The following PEPD variants were observed in gnomAD, a reference collection of about 807,000 sequenced individuals.
PEPD encodes peptidase D.
A neutral mutation model predicts 60.7 loss-of-function variants in PEPD; 53 were observed. The observed-to-expected ratio is 0.87, with a 90% CI of 0.70 to 1.10. The LOEUF (loss-of-function observed/expected upper bound fraction) is 1.10, where lower values mean the gene tolerates loss of function less well. PEPD is among the 50% of genes least tolerant of loss of function. The pLI, the probability that PEPD is intolerant of heterozygous loss-of-function variation, is 0.00. For missense variants in PEPD, 711 were observed against 711.9 expected, an observed-to-expected ratio of 1.00 and a Z score of 0.01; for synonymous variants, 267 against 284.1, an observed-to-expected ratio of 0.94 and a Z score of 0.60.
In PEPD at chr19:33,407,443, G is replaced by A. The variant is rs149776569; in HGVS notation, c.818+4229C>T. On this transcript the variant is annotated intron_variant, in intron 11 of 14. Coordinates refer to ENST00000244137, the MANE Select transcript of PEPD (RefSeq NM_000285.4). ...GGCAGCACATGGGGGCTCAGAAGAC[G>A]ACCAGGAGAAGCAGGGGGATGAGTC... is the stretch of plus-strand genomic sequence containing the variant. 8.1e-3 allele frequency among the ~76,000 whole-genome samples: 1,240 copies of A among 152,292 alleles called. 17 individuals carry two copies. Among genetic ancestry groups the A allele is most frequent in the African/African-American group, 0.027 (1,135 of 41,560 alleles).
chr19:33,443,924 A>G (rs963876120), intron 9 of PEPD, among the ~76,000 whole-genome samples: 1 of 150,436 alleles, frequency 6.6e-6, no homozygotes, highest in African/African-American at 2.5e-5. Context: ...AAGAGTGTGT[A>G]ATGGGTGTAC....
chr19:33,442,089 T>C (rs975728049), intron 9 of PEPD, among the ~76,000 whole-genome samples: 3 of 152,196 alleles, frequency 2.0e-5, no homozygotes, highest in African/African-American at 7.2e-5. Context: ...GTTCCTCACC[T>C]GTAAAAGGGG....
chr19:33,473,518 G>A (rs1406601669), intron 7 of PEPD, among the ~76,000 whole-genome samples: 2 of 151,448 alleles, frequency 1.3e-5, no homozygotes, highest in African/African-American at 2.4e-5. Context: ...CTCTAAAACC[G>A]GCAGATGACT....
rs549877787 is a variant in PEPD at position 33,519,452 on chromosome 19, G to A, written c.17+2292C>T. 5.3e-5 allele frequency among the ~76,000 whole-genome samples: 8 copies of A among 152,320 alleles called. No homozygotes were observed. In the South Asian group the frequency reaches 1.5e-3, roughly 28 times the overall value. On this transcript the variant is annotated intron_variant, in intron 1 of 14. Transcript: ENST00000244137. Reference sequence around the variant, plus strand: ...CAAACCCAACTCCCAGTGAGCCCACGGCAATGGCCGTGACTTGCTGGCATC... The same window carrying A: ...CAAACCCAACTCCCAGTGAGCCCACAGCAATGGCCGTGACTTGCTGGCATC...
At chr19:33,421,979 T>G (rs888145782) in intron 9 of PEPD, among the ~76,000 whole-genome samples, 1 of 151,898 alleles carries the variant, frequency 6.6e-6, no homozygotes, top group East Asian at 1.9e-4. Flanking sequence ...CCCTACAGAG[T>G]GTGCTCCACA....
chr19:33,425,983 T>G (rs1160454282), intron 9 of PEPD, among the ~76,000 whole-genome samples: 1 of 152,158 alleles, frequency 6.6e-6, no homozygotes, highest in Non-Finnish European at 1.5e-5. Context: ...CTAATTTATT[T>G]TATTTTATTT....
chr19:33,411,715 C>T lies in PEPD; in HGVS notation c.775G>A (p.Ala259Thr), dbSNP rs370370158. The change falls in exon 11 of 15, where the codon GCC becomes ACC. Residue 259 changes from alanine (A) to threonine (T), a missense_variant. By Grantham distance (58) the Ala-to-Thr change is moderately conservative. Coordinates refer to ENST00000244137, the MANE Select transcript of PEPD (RefSeq NM_000285.4). The part of the protein sequence containing the change: ...ENSAVLHYGH[A>T]GAPNDRTIQN... ...ATCGTTCGGTCGTTGGGAGCTCCGG[C>T]GTGTCCGTAGTGTAGCACGGCTGAG... is the stretch of plus-strand genomic sequence containing the variant. The T allele has an allele frequency of 3.0e-5, 48 of 1,611,226 alleles. No homozygotes were observed. The highest frequency in any genetic ancestry group is 1.3e-4 in the African/African-American group (10 of 74,998).
At chr19:33,408,292 C>T (rs540199078) in intron 11 of PEPD, among the ~76,000 whole-genome samples, 1 of 152,374 alleles carries the variant, frequency 6.6e-6, no homozygotes, top group South Asian at 2.1e-4. Context: ...GCAGAACCAG[C>T]TGCTGGAAGT....
intron 3 of PEPD, among the ~76,000 whole-genome samples, chr19:33,502,324 C>T (rs1970727787): frequency 6.6e-6 from 1 of 152,122 alleles, no homozygotes. Context: ...CCAAATAGGC[C>T]TCAGACAAAA....
chr19:33,391,315 C>T lies in PEPD; in HGVS notation c.1132G>A (p.Asp378Asn), dbSNP rs367841505. The change falls in exon 13 of 15, where the codon GAC becomes AAC. Residue 378 changes from aspartate to asparagine, a missense_variant. Coordinates refer to ENST00000244137, the MANE Select transcript of PEPD (RefSeq NM_000285.4). Reference sequence around the variant, plus strand: ...CTGACCTCTGGGTAGCCTCCCACGTCGTGCACGTCAATGCCCAGGAAGTGG... The same window carrying T: ...CTGACCTCTGGGTAGCCTCCCACGTTGTGCACGTCAATGCCCAGGAAGTGG... ...LGHFLGIDVH[D>N]VGGYPEGVER... 5.6e-6 allele frequency: 9 copies of T among 1,611,706 alleles called. No individual in the cohort carries two copies. Among genetic ancestry groups the T allele is most frequent in the African/African-American group, 4.0e-5 (3 of 74,910 alleles).
chr19:33,481,340 G>A (rs1490777745), intron 6 of PEPD, among the ~76,000 whole-genome samples: 1 of 152,216 alleles, frequency 6.6e-6, no homozygotes, highest in Non-Finnish European at 1.5e-5. Flanking sequence ...GCTAAGGCGG[G>A]CAGATCACCT....
chr19:33,482,917 G>A (rs901236691), intron 6 of PEPD, among the ~76,000 whole-genome samples: 8 of 152,156 alleles, frequency 5.3e-5, no homozygotes, highest in South Asian at 2.1e-4. Flanking sequence ...CCAACTTGAC[G>A]TAATTGACAT....
intron 12 of PEPD, among the ~76,000 whole-genome samples, chr19:33,398,888 A>C (rs902836377): frequency 6.6e-6 from 1 of 152,074 alleles, no homozygotes; most frequent in Non-Finnish European, 1.5e-5. Context: ...CCTTTTACCC[A>C]CAAGGGCCCG....
At chr19:33,438,947 T>C (rs925551420) in intron 9 of PEPD, among the ~76,000 whole-genome samples, 2 of 152,236 alleles carry the variant, frequency 1.3e-5, no homozygotes, top group Non-Finnish European at 1.5e-5. Flanking sequence ...CTCGAACTCC[T>C]AAGCTCAAGT....
At chr19:33,510,972 A>ACCCACC in intron 3 of PEPD, 56 bp downstream of exon 3, 2 of 1,571,558 alleles carry the variant, frequency 1.3e-6, no homozygotes. Flanking sequence ...CACCTCCCCT[A>ACCCACC]CCCACCCCCA....
At chr19:33,448,321 C>G (rs542549902) in intron 9 of PEPD, among the ~76,000 whole-genome samples, 1 of 152,160 alleles carries the variant, frequency 6.6e-6, no homozygotes, top group Non-Finnish European at 1.5e-5. Flanking sequence ...CGCCTTCTCA[C>G]GGGCAGAACC....
intron 9 of PEPD, among the ~76,000 whole-genome samples, chr19:33,435,453 C>G (rs372304526): frequency 6.6e-6 from 1 of 152,238 alleles, no homozygotes; most frequent in African/African-American, 2.4e-5. Flanking sequence ...CCGGGCCCCT[C>G]GGCAGGGACA....
chr19:33,476,375 G>T, intron 7 of PEPD, among the ~76,000 whole-genome samples: 1 of 152,122 alleles, frequency 6.6e-6, no homozygotes, highest in East Asian at 1.9e-4. Context: ...CCAAGTCCCA[G>T]ATCTGCCCCG....
Position 33,447,079 on chromosome 19 carries a change from G to A in PEPD, c.671+15916C>T, listed in dbSNP as rs1054653333. ...TGGTGCACTTCGCCCTAGCTGGGAT[G>A]CCCAGGAGGGCCACCTGTGCCACCG... On this transcript the variant is annotated intron_variant, in intron 9 of 14. Coordinates refer to ENST00000244137, the MANE Select transcript of PEPD (RefSeq NM_000285.4). Among the ~76,000 whole-genome samples, 5 of 152,208 alleles carry A rather than the reference G, an allele frequency of 3.3e-5. No homozygotes were observed. In the South Asian group the frequency reaches 1.0e-3, roughly 31 times the overall value.
Sources: allele counts gnomAD v4.1 joint callset (sites outside exome capture counted in the v4.1 genomes callset), GRCh38; gene constraint gnomAD v4.1.1; transcripts MANE v1.5; gene names NCBI Gene and HGNC (gene_info 2026-07-23, HGNC 2026-07-21).